PCIF1: variants seen among roughly 807,000 people sequenced by gnomAD.
PCIF1 encodes the protein mRNA (2'-O-methyladenosine-N(6)-)-methyltransferase.
A neutral mutation model predicts 86.9 loss-of-function variants in PCIF1; 12 were observed. The observed-to-expected ratio is 0.14, with a 90% CI of 0.09 to 0.22. The LOEUF (loss-of-function observed/expected upper bound fraction) is 0.22. Among genes scored for constraint, PCIF1 ranks in the 10% least tolerant of loss-of-function variants. The probability of loss-of-function intolerance (pLI) is 1.00; values close to 1 mark genes in which losing one functional copy is unlikely to be tolerated. For missense variants in PCIF1, 701 were observed against 951.1 expected (o/e 0.74, Z 3.46); for synonymous variants, 397 against 372.0 (o/e 1.07, Z -0.77).
chr20:45,945,194 A>G (rs1600508623), intron 11 of PCIF1, among the ~76,000 whole-genome samples, 164 bp downstream of exon 11: 1 of 152,286 alleles, frequency 6.6e-6, no homozygotes, highest in East Asian at 1.9e-4. Context: ...TGATAAAGGG[A>G]GAGCCAGATG....
At chr20:45,937,270 G>A (rs943569103) in intron 1 of PCIF1, 148 bp from the exon 2 acceptor site, 35 of 397,008 alleles carry the variant, frequency 8.8e-5, no homozygotes, top group Non-Finnish European at 1.4e-4. Context: ...AGCTTAAGAG[G>A]TATCATTTTC....
chr20:45,936,111 A>G (rs1167579577), intron 1 of PCIF1, among the ~76,000 whole-genome samples: 1 of 152,222 alleles, frequency 6.6e-6, no homozygotes, highest in Non-Finnish European at 1.5e-5. Context: ...GTGCCCCCAC[A>G]GATCAGTGAT....
chr20:45,945,701 C>T lies in PCIF1; in HGVS notation c.1169-10C>T, dbSNP rs759617330. 1.1e-5 allele frequency: 17 copies of T among 1,610,538 alleles called. No homozygotes were observed. The highest frequency in any genetic ancestry group is 1.7e-4 in the Middle Eastern group (1 of 5,980). On this transcript the variant is annotated splice_polypyrimidine_tract_variant and intron_variant, in intron 11 of 16. Coordinates refer to ENST00000372409, the MANE Select transcript of PCIF1 (RefSeq NM_022104.4). Reference sequence around the variant, plus strand: ...GGAGTGTGGTCCCTCACTGCTCTCCCTGCCCACAGAGGAGGTGGAGGCCCC... The same window carrying T: ...GGAGTGTGGTCCCTCACTGCTCTCCTTGCCCACAGAGGAGGTGGAGGCCCC...
chr20:45,945,337 CAAGT>C (rs964192457), intron 11 of PCIF1, among the ~76,000 whole-genome samples: 1 of 152,210 alleles, frequency 6.6e-6, no homozygotes, highest in African/African-American at 2.4e-5. Flanking sequence ...ATAGGTAACT[CAAGT>C]AAACCATGTG....
Position 45,946,080 on chromosome 20 carries a change from C to G in PCIF1, c.1393C>G (p.Leu465Val). The change falls in exon 13 of 17, where the codon CTG (leucine) becomes GTG (valine). Residue 465 changes from leucine (L) to valine (V), a missense_variant. This residue lies in a region of PCIF1 where 121 missense variants were observed against 131.7 expected (regional missense o/e 0.92). Transcript: ENST00000372409. The stretch of plus-strand genomic sequence containing the variant: ...TGATGACTCTGCCTTTGAGAGGTTC[C>G]TGCCCCGGGTCTGGTGTCTTCTCCG... ...CIDDSAFERF[L>V]PRVWCLLRRY... is the part of the protein sequence containing the mutation. The G allele has an allele frequency of 6.2e-7, 1 of 1,614,198 alleles. No homozygotes were observed. Among genetic ancestry groups the G allele is most frequent in the Non-Finnish European group, 8.5e-7 (1 of 1,180,026 alleles).
rs2083473056 is a variant in PCIF1, at chr20:45,941,873, C to T, written c.673+666C>T. On this transcript the variant is annotated intron_variant, in intron 7 of 16. Transcript: ENST00000372409. ...CAGTGCTGGGATTACAGATGTGAGC[C>T]ACCATGCCTGGCCTAGTTTTTAATT... Among the ~76,000 whole-genome samples the T allele has an allele frequency of 2.0e-5, 3 of 151,054 alleles. No individual in the cohort carries two copies. In the South Asian group the frequency reaches 6.3e-4, roughly 32 times the overall value.
At chr20:45,939,658 C>T (rs2083453788) in intron 4 of PCIF1, among the ~76,000 whole-genome samples, 1 of 152,142 alleles carries the variant, frequency 6.6e-6, no homozygotes, top group Admixed American at 6.5e-5. Flanking sequence ...ACTTGTGGTC[C>T]GTGTATGAGG....
intron 1 of PCIF1, among the ~76,000 whole-genome samples, chr20:45,937,136 A>G (rs537232952): frequency 1.1e-4 from 17 of 152,312 alleles, no homozygotes; most frequent in African/African-American, 4.1e-4. Flanking sequence ...CTTGTTAAAA[A>G]GTTATTAAAA....
rs1485871983 is a variant in PCIF1, at chr20:45,939,268, C to T, written c.178C>T (p.Pro60Ser). The T allele has an allele frequency of 6.2e-7, 1 of 1,613,778 alleles. No individual in the cohort carries two copies. The highest frequency in any genetic ancestry group is 8.5e-7 in the Non-Finnish European group (1 of 1,180,026). Reference protein sequence around the residue: ...EKCWSRRENRPYYFNRFTNQS... With the variant: ...EKCWSRRENRSYYFNRFTNQS... The stretch of plus-strand genomic sequence containing the variant: ...GTGCTGGAGCCGGAGGGAGAATCGT[C>T]CCTACTACTTCAACCGATTCACCAA... Residue 60 changes from proline (P) to serine (S), a missense_variant, in exon 4 of 17, where the codon CCC becomes TCC. Physicochemically the swap from Pro to Ser is moderately conservative, Grantham distance 74 (BLOSUM62 -1). Transcript: ENST00000372409.
chr20:45,938,120 T>G (rs999832093), intron 2 of PCIF1: 11 of 152,278 alleles, frequency 7.2e-5, no homozygotes, highest in African/African-American at 2.7e-4. Flanking sequence ...CAGAAGCACT[T>G]TGGCTCCTGA....
At chr20:45,936,712 C>T (rs953589125) in intron 1 of PCIF1, among the ~76,000 whole-genome samples, 2 of 151,844 alleles carry the variant, frequency 1.3e-5, no homozygotes, top group African/African-American at 4.8e-5. Context: ...GGGTGGATCT[C>T]TTGAGGTCAG....
chr20:45,946,777 T>G (rs1026649671), intron 14 of PCIF1, among the ~76,000 whole-genome samples: 5 of 152,034 alleles, frequency 3.3e-5, no homozygotes, highest in African/African-American at 1.2e-4. Context: ...CCTCCAGAGG[T>G]CCAGAGCTCA....
At position 45,939,201 on chromosome 20, in the gene PCIF1, G is replaced by A. The variant is rs202220890; in HGVS notation, c.125-14G>A. ...GCAGTCCTGACCCTGGCTGGGCTCC[G>A]TGCCTGTTTGCAGAGGAGCTGGTGC... On this transcript the variant is annotated splice_polypyrimidine_tract_variant and intron_variant, in intron 3 of 16. Coordinates refer to ENST00000372409, the MANE Select transcript of PCIF1 (RefSeq NM_022104.4). 3.9e-5 allele frequency: 63 copies of A among 1,613,866 alleles called. No individual in the cohort carries two copies. Among genetic ancestry groups the A allele is most frequent in the African/African-American group, 6.7e-5 (5 of 74,918 alleles).
rs529519734 is a variant in PCIF1 at position 45,935,094 on chromosome 20, G to C, written c.-188+290G>C. Among the ~76,000 whole-genome samples, 5 of 151,756 alleles carry C rather than the reference G, an allele frequency of 3.3e-5. No homozygotes were observed. The East Asian group carries it at 9.8e-4, about 30-fold the overall frequency. ...TCTGAGTCGCCTCAGCCCGGGGGCG[G>C]GAGCGCGCGGCGGGGCGGGGGGCGG... is the stretch of plus-strand genomic sequence containing the variant. On this transcript the variant is annotated intron_variant, in intron 1 of 16. Coordinates refer to ENST00000372409, the MANE Select transcript of PCIF1 (RefSeq NM_022104.4).
chr20:45,937,879 A>G, intron 2 of PCIF1: 1 of 284,926 alleles, frequency 3.5e-6, no homozygotes, highest in Non-Finnish European at 6.5e-6. Context: ...AATGATTCGT[A>G]TGATGTCATC....
At position 45,943,278 on chromosome 20, in the gene PCIF1, A is replaced by G. The variant is rs1446444712; in HGVS notation, c.821+34A>G. 6 of 1,613,742 alleles carry G rather than the reference A, an allele frequency of 3.7e-6. No individual in the cohort carries two copies. The African/African-American group carries it at 4.0e-5, about 11-fold the overall frequency. On this transcript the variant is annotated intron_variant, in intron 8 of 16. Coordinates refer to ENST00000372409, the MANE Select transcript of PCIF1 (RefSeq NM_022104.4). The surrounding 1 kb of genome is among the most constrained non-coding windows in gnomAD (Gnocchi z 5.5). ...CCACAGCTGGGGATGACCCTGGGCC[A>G]TTTGGTTTCTGTGCCCAGTCATGTA...
In PCIF1 at chr20:45,947,302, G is replaced by T; in HGVS notation, c.1747G>T (p.Val583Leu). 1 of 1,613,966 alleles carries T rather than the reference G, an allele frequency of 6.2e-7. No homozygotes were observed. The highest frequency in any genetic ancestry group is 8.5e-7 in the Non-Finnish European group (1 of 1,179,958). Residue 583 changes from valine to leucine, a missense_variant, in exon 16 of 17, where the codon GTG (valine) becomes TTG (leucine). Coordinates refer to ENST00000372409, the MANE Select transcript of PCIF1 (RefSeq NM_022104.4). This position sits in a 1 kb window ranked among gnomAD's most constrained non-coding sequence, Gnocchi z 5.4. ...ESSPEPLSFIVFIPEWREPPT... is the reference protein window; with the variant it reads ...ESSPEPLSFILFIPEWREPPT... ...CTCACCGGAGCCCCTGTCCTTCATC[G>T]TGTTCATCCCTGAGTGGCGGGAACC...
At chr20:45,946,933 G>A in intron 14 of PCIF1, 140 bp from the exon 15 acceptor site, 2 of 667,468 alleles carry the variant, frequency 3.0e-6, no homozygotes, top group Admixed American at 2.7e-5. Context: ...CATGCCTTGT[G>A]CCCCAATGAA....
Position 45,946,181 on chromosome 20 carries a change from G to C in PCIF1, c.1429-19G>C, listed in dbSNP as rs1180147387. The stretch of plus-strand genomic sequence containing the variant: ...ACAGGGAGGGTGAGCCCCAGGTGCT[G>C]ACGGTGGCCACTCCGCAGATGATGT... On this transcript the variant is annotated intron_variant, in intron 13 of 16. Transcript: ENST00000372409. 1.2e-6 allele frequency: 2 copies of C among 1,614,074 alleles called. No homozygotes were observed. The highest frequency in any genetic ancestry group is 1.7e-6 in the Non-Finnish European group (2 of 1,180,046).
Sources: gnomAD v4.1 joint callset for allele counts (sites outside exome capture counted in the v4.1 genomes callset) on GRCh38, gnomAD v4.1.1 for gene constraint, gnomAD v4.1.1 regional missense constraint, Gnocchi (gnomAD v3.1) non-coding constraint, MANE v1.5 for transcripts, NCBI Gene and HGNC (gene_info 2026-07-23, HGNC 2026-07-21) for gene names.